NOS1AP: variants seen among roughly 807,000 people sequenced by gnomAD.
NOS1AP encodes the protein carboxyl-terminal PDZ ligand of neuronal nitric oxide synthase protein.
A neutral mutation model predicts 56.2 loss-of-function variants in NOS1AP; 21 were observed. That is an observed-to-expected ratio of 0.37 (90% confidence interval 0.26 to 0.54). The LOEUF is 0.54. Ranked by LOEUF, NOS1AP falls within the 20% of genes least tolerant of loss-of-function variation. The pLI is 0.84. For synonymous variants in NOS1AP, 270 were observed against 274.6 expected, an observed-to-expected ratio of 0.98 and a Z score of 0.17; for missense variants, 522 against 657.8, an observed-to-expected ratio of 0.79 and a Z score of 2.26.
At chr1:162,355,059 G>A in intron 6 of NOS1AP, 128 bp from the exon 7 acceptor site, 2 of 961,672 alleles carry the variant, frequency 2.1e-6, no homozygotes, top group South Asian at 1.3e-5. Flanking sequence ...GTGAAAAGAT[G>A]TGTGAAAATG....
chr1:162,282,743 A>G (rs1654969278), intron 2 of NOS1AP, among the ~76,000 whole-genome samples: 2 of 152,314 alleles, frequency 1.3e-5, no homozygotes, highest in Non-Finnish European at 2.9e-5. Flanking sequence ...TCCTGTGATC[A>G]TTTGCAAGAA....
chr1:162,168,803 A>T (rs1187595193), intron 2 of NOS1AP, among the ~76,000 whole-genome samples: 1 of 152,226 alleles, frequency 6.6e-6, no homozygotes, highest in East Asian at 1.9e-4. Flanking sequence ...TTCAAGCCTC[A>T]AAAAGTTATT....
chr1:162,333,315 A>G (rs1656836202), intron 5 of NOS1AP, among the ~76,000 whole-genome samples, 190 bp downstream of exon 5: 1 of 152,236 alleles, frequency 6.6e-6, no homozygotes, highest in Non-Finnish European at 1.5e-5. Flanking sequence ...ACTTAGTTAC[A>G]TACAGATAAA....
Position 162,239,907 on chromosome 1 carries a change from G to C in NOS1AP, c.178-47437G>C, listed in dbSNP as rs538488470. On this transcript the variant is annotated intron_variant, in intron 2 of 9. Transcript: ENST00000361897. ...TTTATGCTCAAAATAATTCCAGGAA[G>C]TAAAAAGGCCTGTATATTGCCAACT... Among the ~76,000 whole-genome samples, 3 of 152,300 alleles carry C rather than the reference G, an allele frequency of 2.0e-5. No homozygotes were observed. The South Asian group carries it at 6.2e-4, about 32-fold the overall frequency.
chr1:162,108,703 A>G (rs909910417), intron 1 of NOS1AP, among the ~76,000 whole-genome samples: 5 of 152,110 alleles, frequency 3.3e-5, no homozygotes, highest in African/African-American at 1.2e-4. Flanking sequence ...AAGCCTCTAA[A>G]TTTAACAAAC....
intron 2 of NOS1AP, among the ~76,000 whole-genome samples, chr1:162,247,227 C>T (rs1000988152): frequency 1.3e-5 from 2 of 152,158 alleles, no homozygotes; most frequent in African/African-American, 4.8e-5. Context: ...ATTTTCTCCC[C>T]TTGCCTCTTT....
chr1:162,127,189 T>C (rs1047876853), intron 1 of NOS1AP, among the ~76,000 whole-genome samples: 41 of 152,174 alleles, frequency 2.7e-4, no homozygotes, highest in African/African-American at 6.8e-4. Flanking sequence ...CTTTGTGATA[T>C]GTTGTAAGCT....
chr1:162,087,063 G>A (rs923343214), intron 1 of NOS1AP, among the ~76,000 whole-genome samples: 1 of 152,136 alleles, frequency 6.6e-6, no homozygotes, highest in African/African-American at 2.4e-5. Flanking sequence ...AAAGGTGGTT[G>A]AACTTTTGTA....
chr1:162,283,359 G>A (rs1034018779), intron 2 of NOS1AP, among the ~76,000 whole-genome samples: 2 of 152,018 alleles, frequency 1.3e-5, no homozygotes, highest in African/African-American at 4.8e-5. Context: ...AGGGCTGGCT[G>A]GTCCCTTCAT....
At chr1:162,290,383 T>C (rs1193340578) in intron 3 of NOS1AP, among the ~76,000 whole-genome samples, 1 of 152,244 alleles carries the variant, frequency 6.6e-6, no homozygotes, top group Non-Finnish European at 1.5e-5. Context: ...AGCCTTTTTG[T>C]CATCTTGTTC....
intron 1 of NOS1AP, among the ~76,000 whole-genome samples, chr1:162,144,657 G>A (rs1649380665): frequency 6.6e-6 from 1 of 152,094 alleles, no homozygotes. Context: ...AAGTGCTGCC[G>A]GCCCAGGGTA....
At chr1:162,121,164 T>C (rs1336613277) in intron 1 of NOS1AP, among the ~76,000 whole-genome samples, 1 of 151,596 alleles carries the variant, frequency 6.6e-6, no homozygotes, top group East Asian at 2.0e-4. Flanking sequence ...AGAGAATTTT[T>C]TTTTTGTTTT....
At chr1:162,135,555 A>C (rs1648959032) in intron 1 of NOS1AP, among the ~76,000 whole-genome samples, 2 of 152,174 alleles carry the variant, frequency 1.3e-5, no homozygotes, top group Admixed American at 1.3e-4. Context: ...GAGAAGCAGA[A>C]GCCTTCTGCA....
chr1:162,255,439 C>A (rs369470578), intron 2 of NOS1AP, among the ~76,000 whole-genome samples: 1 of 145,488 alleles, frequency 6.9e-6, no homozygotes, highest in Non-Finnish European at 1.5e-5. Flanking sequence ...GAGACCCAGA[C>A]AGTTGGCCCA....
At chr1:162,311,935 G>C (rs1571210518) in intron 4 of NOS1AP, among the ~76,000 whole-genome samples, 1 of 121,206 alleles carries the variant, frequency 8.3e-6, no homozygotes, top group Non-Finnish European at 1.7e-5. Context: ...TGGCTGCATA[G>C]TATTCCATGG....
In NOS1AP at chr1:162,228,626, G is replaced by C. The variant is rs536194712; in HGVS notation, c.178-58718G>C. ...TTCTCTCAGGAGTAAGGGCAAGCTG[G>C]CAATAGACCAGCGCCCAGCAAGGCT... On this transcript the variant is annotated intron_variant, in intron 2 of 9. Coordinates refer to ENST00000361897, the MANE Select transcript of NOS1AP (RefSeq NM_014697.3). Among the ~76,000 whole-genome samples the C allele has an allele frequency of 4.5e-4, 68 of 152,306 alleles. No homozygotes were observed. The South Asian group carries it at 6.0e-3, about 13-fold the overall frequency.
chr1:162,181,593 T>C (rs955070194), intron 2 of NOS1AP, among the ~76,000 whole-genome samples: 5 of 152,242 alleles, frequency 3.3e-5, no homozygotes, highest in African/African-American at 1.2e-4. Context: ...TAAGGGCTTT[T>C]CTAGTACCAG....
chr1:162,334,222 G>T (rs1557882227), intron 5 of NOS1AP, among the ~76,000 whole-genome samples: 1 of 152,178 alleles, frequency 6.6e-6, no homozygotes, highest in Non-Finnish European at 1.5e-5. Context: ...TTCCTCTATG[G>T]AGATTTGTGC....
intron 1 of NOS1AP, among the ~76,000 whole-genome samples, chr1:162,088,011 T>G (rs1448963133): frequency 6.6e-6 from 1 of 152,142 alleles, no homozygotes; most frequent in Non-Finnish European, 1.5e-5. Flanking sequence ...TCATTAATTT[T>G]ACCCTATTGC....
Sources: allele counts gnomAD v4.1 joint callset (sites outside exome capture counted in the v4.1 genomes callset), GRCh38; gene constraint gnomAD v4.1.1; transcripts MANE v1.5; gene names NCBI Gene and HGNC (gene_info 2026-07-23, HGNC 2026-07-21).